The following CHST9 variants were observed in gnomAD, a reference collection of about 807,000 sequenced individuals.
CHST9 encodes carbohydrate sulfotransferase 9.
Under a neutral mutation model 44.4 loss-of-function variants are expected in CHST9, and 41 were observed. That is an observed-to-expected ratio of 0.92 (90% confidence interval 0.72 to 1.20). The LOEUF (loss-of-function observed/expected upper bound fraction) is 1.20, where lower values mean the gene tolerates loss of function less well. Among genes scored for constraint, CHST9 ranks in the 50% most tolerant of loss-of-function variants. The pLI is 0.00. For missense variants in CHST9, 504 were observed against 516.5 expected, an observed-to-expected ratio of 0.98 and a Z score of 0.23; for synonymous variants, 171 against 178.4, an observed-to-expected ratio of 0.96 and a Z score of 0.33.
intron 2 of CHST9, among the ~76,000 whole-genome samples, chr18:27,069,989 A>C (rs1038303960): frequency 2.6e-5 from 4 of 152,352 alleles, no homozygotes; most frequent in Middle Eastern, 3.4e-3. Context: ...TGCCTTGAAC[A>C]CGTTAAATGA....
intron 4 of CHST9, among the ~76,000 whole-genome samples, chr18:26,962,245 C>T (rs1013611686): frequency 2.0e-5 from 3 of 151,810 alleles, no homozygotes; most frequent in Admixed American, 1.3e-4. Context: ...ACTATACTAT[C>T]TTCCGTGGTC....
At position 27,062,665 on chromosome 18, in the gene CHST9, G is replaced by C. The variant is rs552174113; in HGVS notation, c.122-14162C>G. ...TAGCAGCATGATTTATAATCCTTTG[G>C]GTATATACCCAGTAATGGGATGGCT... is the stretch of plus-strand genomic sequence containing the variant. On this transcript the variant is annotated intron_variant, in intron 2 of 5. Coordinates refer to ENST00000618847, the MANE Select transcript of CHST9 (RefSeq NM_031422.6). Among the ~76,000 whole-genome samples, 6 of 152,118 alleles carry C rather than the reference G, an allele frequency of 3.9e-5. No homozygotes were observed. In the South Asian group the frequency reaches 1.2e-3, roughly 32 times the overall value.
chr18:26,990,257 C>A (rs1222701302), intron 4 of CHST9, among the ~76,000 whole-genome samples: 1 of 152,162 alleles, frequency 6.6e-6, no homozygotes, highest in Non-Finnish European at 1.5e-5. Context: ...CACAAGGAAA[C>A]TCTTTCTTTA....
intron 1 of CHST9, among the ~76,000 whole-genome samples, chr18:27,155,021 G>T (rs918410476): frequency 6.7e-6 from 1 of 150,042 alleles, no homozygotes; most frequent in Non-Finnish European, 1.5e-5. Context: ...GGTGGAGGTT[G>T]CAGTGAGCCA....
rs374613360 is a variant in CHST9 at position 27,024,134 on chromosome 18, G to A, written c.184C>T (p.Arg62Trp). 2.3e-5 allele frequency: 37 copies of A among 1,611,572 alleles called. No homozygotes were observed. In the East Asian group the frequency reaches 4.7e-4, roughly 20 times the overall value. Reference sequence around the variant, plus strand: ...TACTCACTGATTCTGGGTACAGGCCGCAAGTACTTCACTGGTCCCCATCCT... The same window carrying A: ...TACTCACTGATTCTGGGTACAGGCCACAAGTACTTCACTGGTCCCCATCCT... ...TSGWGPVKYLRPVPRIMSTEK... is the reference protein window; with the variant it reads ...TSGWGPVKYLWPVPRIMSTEK... Residue 62 changes from arginine (R) to tryptophan (W), a missense_variant, in exon 4 of 6, where the codon CGG (arginine) becomes TGG (tryptophan). Physicochemically the swap from Arg to Trp is moderately radical, Grantham distance 101. Transcript: ENST00000618847.
intron 1 of CHST9, among the ~76,000 whole-genome samples, chr18:27,180,304 A>C (rs1200211923): frequency 6.6e-6 from 1 of 152,202 alleles, no homozygotes; most frequent in Non-Finnish European, 1.5e-5. Flanking sequence ...GAGCGTTAGT[A>C]GTGAAATACA....
At chr18:26,928,921 T>G (rs1201384695) in intron 5 of CHST9, among the ~76,000 whole-genome samples, 1 of 152,182 alleles carries the variant, frequency 6.6e-6, no homozygotes, top group Non-Finnish European at 1.5e-5. Context: ...CAGCTAGCAC[T>G]CTTACAGAGA....
chr18:26,970,833 A>C (rs2145169522), intron 4 of CHST9, among the ~76,000 whole-genome samples: 1 of 152,294 alleles, frequency 6.6e-6, no homozygotes, highest in African/African-American at 2.4e-5. Context: ...GACATCCATC[A>C]CTGCAATCAA....
chr18:27,095,437 T>A (rs1023001002), intron 2 of CHST9, among the ~76,000 whole-genome samples: 2 of 152,058 alleles, frequency 1.3e-5, no homozygotes, highest in Non-Finnish European at 2.9e-5. Context: ...ACCTCATATG[T>A]CAATATTAAC....
rs769298694 is a variant in CHST9 at position 27,040,782 on chromosome 18, G to A, written c.160+7683C>T. On this transcript the variant is annotated intron_variant, in intron 3 of 5. Coordinates refer to ENST00000618847, the MANE Select transcript of CHST9 (RefSeq NM_031422.6). ...TCATTTACAGTTGATTAAAATGTTT[G>A]TGGTCATTTCTATTTAAAAGAACAA... 5.3e-5 allele frequency among the ~76,000 whole-genome samples: 8 copies of A among 152,214 alleles called. No individual in the cohort carries two copies. The East Asian group carries it at 1.2e-3, about 22-fold the overall frequency.
At chr18:27,119,228 T>C (rs894936405) in intron 2 of CHST9, among the ~76,000 whole-genome samples, 1 of 152,178 alleles carries the variant, frequency 6.6e-6, no homozygotes, top group Non-Finnish European at 1.5e-5. Flanking sequence ...TAATTAATAA[T>C]GTGTTCTTAT....
chr18:27,160,037 C>A (rs1300442597), intron 1 of CHST9, among the ~76,000 whole-genome samples: 1 of 152,182 alleles, frequency 6.6e-6, no homozygotes, highest in Non-Finnish European at 1.5e-5. Context: ...TCTAGGTATA[C>A]AATCATGTCT....
chr18:26,989,207 A>G (rs549327012), intron 4 of CHST9, among the ~76,000 whole-genome samples: 17 of 152,314 alleles, frequency 1.1e-4, no homozygotes, highest in African/African-American at 3.4e-4. Flanking sequence ...AAAGAATTAT[A>G]TCAGAATACA....
At chr18:27,003,684 C>A (rs1337186310) in intron 4 of CHST9, among the ~76,000 whole-genome samples, 2 of 151,948 alleles carry the variant, frequency 1.3e-5, no homozygotes, top group Non-Finnish European at 2.9e-5. Flanking sequence ...CACATGACAG[C>A]CAAAAGAAAT....
At chr18:26,934,537 G>C (rs1598571979) in intron 5 of CHST9, 1 of 152,172 alleles carries the variant, frequency 6.6e-6, no homozygotes, top group South Asian at 2.1e-4. Flanking sequence ...CCCGGCCGTA[G>C]TTTACATTTT....
intron 4 of CHST9, among the ~76,000 whole-genome samples, chr18:26,985,302 T>C (rs1384419248): frequency 6.6e-6 from 1 of 152,200 alleles, no homozygotes; most frequent in Admixed American, 6.5e-5. Flanking sequence ...GAAGAGACTT[T>C]TGCTTCTGAT....
chr18:27,146,606 C>A (rs2058614327), intron 1 of CHST9, among the ~76,000 whole-genome samples: 1 of 152,310 alleles, frequency 6.6e-6, no homozygotes, highest in South Asian at 2.1e-4. Context: ...TTTCTACAGC[C>A]AAAGGCTTCC....
intron 4 of CHST9, among the ~76,000 whole-genome samples, chr18:27,010,981 C>T (rs929051646): frequency 6.6e-6 from 1 of 152,100 alleles, no homozygotes; most frequent in African/African-American, 2.4e-5. Flanking sequence ...TCTGCTGAGG[C>T]CAGGGCTCTT....
chr18:26,952,434 G>A (rs867698704), intron 4 of CHST9: 11 of 422,976 alleles, frequency 2.6e-5, no homozygotes, highest in Admixed American at 5.7e-5. Context: ...AGTTTTTACC[G>A]GAGGGAAATC....
Sources: gnomAD v4.1 joint callset for allele counts (sites outside exome capture counted in the v4.1 genomes callset) on GRCh38, gnomAD v4.1.1 for gene constraint, MANE v1.5 for transcripts, NCBI Gene and HGNC (gene_info 2026-07-23, HGNC 2026-07-21) for gene names.